Variants in SLC23A2 observed in about 807,000 individuals in gnomAD.
SLC23A2 encodes solute carrier family 23 member 2, also known as Na(+)/L-ascorbic acid transporter 2.
A neutral mutation model predicts 73.3 loss-of-function variants in SLC23A2; 36 were observed. The observed-to-expected ratio is 0.49, with a 90% CI of 0.38 to 0.65. The LOEUF (loss-of-function observed/expected upper bound fraction) is 0.65. Ranked by LOEUF, SLC23A2 falls within the 30% of genes least tolerant of loss-of-function variation. The probability of loss-of-function intolerance (pLI) is 0.00; values close to 1 mark genes in which losing one functional copy is unlikely to be tolerated. For synonymous variants in SLC23A2, 343 were observed against 327.3 expected (o/e 1.05, Z -0.52); for missense variants, 507 against 841.6 (o/e 0.60, Z 4.92).
chr20:4,998,272 G>T lies in SLC23A2; in HGVS notation c.-282+3134C>A, dbSNP rs180931571. The stretch of plus-strand genomic sequence containing the variant: ...ACAGTGTGGGCTCCATGTGGGCTGG[G>T]AATCTCCCTGCAGCATCCCAAGCAC... On this transcript the variant is annotated intron_variant, in intron 1 of 16. Coordinates refer to ENST00000338244, the MANE Select transcript of SLC23A2 (RefSeq NM_005116.6). This position sits in a 1 kb window ranked among gnomAD's most constrained non-coding sequence, Gnocchi z 4.1. Among the ~76,000 whole-genome samples, 19 of 152,152 alleles carry T rather than the reference G, an allele frequency of 1.2e-4. No individual in the cohort carries two copies. The East Asian group carries it at 3.7e-3, about 29-fold the overall frequency.
rs775470346 is a variant in SLC23A2 at position 4,869,922 on chromosome 20, T to C, written c.1234A>G (p.Ile412Val). Residue 412 changes from isoleucine to valine, a missense_variant, in exon 12 of 17, where the codon ATC (isoleucine) becomes GTC (valine). Physicochemically the swap from Ile to Val is conservative, Grantham distance 29. Transcript: ENST00000338244. ...ARLSCAPPPP[I>V]HAINRGIFVE... ...GGAACGTACCTGTTTATTGCGTGGA[T>C]GGGGGGGGGTGGGGCACAGGACAGC... 1.9e-6 allele frequency: 2 copies of C among 1,047,860 alleles called. No individual in the cohort carries two copies. Among genetic ancestry groups the C allele is most frequent in the South Asian group, 1.5e-5 (1 of 68,306 alleles). 64.9% of individuals were successfully genotyped at this position (1,047,860 alleles called of 1,614,324 possible).
intron 4 of SLC23A2, among the ~76,000 whole-genome samples, chr20:4,908,262 A>G (rs1159792805): frequency 6.6e-6 from 1 of 152,232 alleles, no homozygotes; most frequent in East Asian, 1.9e-4. Context: ...GGTCTTGAGC[A>G]TGTGTAAAGA....
In SLC23A2 at chr20:4,885,681, T is replaced by C. The variant is rs140428882; in HGVS notation, c.571+140A>G. ...ACAGACACGATCCACAGATGGAGCA[T>C]TCTAAGCTGTTTGTGGGTTTGTGTG... is the stretch of plus-strand genomic sequence containing the variant. On this transcript the variant is annotated intron_variant, in intron 7 of 16. Transcript: ENST00000338244. 1,130 of 676,530 alleles carry C rather than the reference T, an allele frequency of 1.7e-3. 21 individuals are homozygous for C. In the East Asian group the frequency reaches 0.028, roughly 17 times the overall value. 41.9% of individuals were successfully genotyped at this position (676,530 alleles called of 1,614,324 possible).
At chr20:4,879,408 CAAAAAAAA>C (rs111565515) in intron 9 of SLC23A2, among the ~76,000 whole-genome samples, 10 of 43,008 alleles carry the variant, frequency 2.3e-4, no homozygotes, top group South Asian at 1.0e-3. Context: ...AACTCTGTCT[CAAAAAAAA>C]AAAAAAAAAA....
chr20:4,939,401 C>T (rs2087007865), intron 2 of SLC23A2, among the ~76,000 whole-genome samples: 1 of 152,068 alleles, frequency 6.6e-6, no homozygotes, highest in Non-Finnish European at 1.5e-5. Flanking sequence ...CAATGTACAC[C>T]GACCAAGAAA....
intron 2 of SLC23A2, among the ~76,000 whole-genome samples, chr20:4,949,312 C>T (rs891445266): frequency 7.1e-6 from 1 of 140,190 alleles, no homozygotes; most frequent in African/African-American, 2.6e-5. Context: ...AAAAGGAAAA[C>T]ATAAAAGAAC....
chr20:4,912,010 C>CTT (rs11353402), intron 4 of SLC23A2, among the ~76,000 whole-genome samples: 3 of 136,546 alleles, frequency 2.2e-5, no homozygotes, highest in Non-Finnish European at 3.2e-5. Context: ...ATAATTATTT[C>CTT]TTTTTTTTTT....
chr20:4,957,159 T>C (rs1415697717), intron 2 of SLC23A2, among the ~76,000 whole-genome samples: 1 of 152,010 alleles, frequency 6.6e-6, no homozygotes, highest in Non-Finnish European at 1.5e-5. Context: ...TGTAAAAGAA[T>C]CAATACTCTA....
intron 4 of SLC23A2, among the ~76,000 whole-genome samples, chr20:4,906,055 T>G (rs942359983): frequency 1.3e-5 from 2 of 152,260 alleles, no homozygotes; most frequent in Non-Finnish European, 2.9e-5. Flanking sequence ...AGATCAGTTT[T>G]GGCCAGGCAT....
At chr20:4,906,439 C>G (rs1931958951) in intron 4 of SLC23A2, among the ~76,000 whole-genome samples, 2 of 152,018 alleles carry the variant, frequency 1.3e-5, no homozygotes, top group South Asian at 4.1e-4. Context: ...TGGTGAAACC[C>G]TGAAACCCTG....
intron 3 of SLC23A2, among the ~76,000 whole-genome samples, chr20:4,921,533 C>CTA (rs1932499468): frequency 6.6e-6 from 1 of 150,982 alleles, no homozygotes; most frequent in South Asian, 2.1e-4. Flanking sequence ...CTGCAGGAAG[C>CTA]TATGATCATG....
At position 4,857,272 on chromosome 20, in the gene SLC23A2, C is replaced by G. The variant is rs547442683; in HGVS notation, c.1721-68G>C. The G allele has an allele frequency of 3.0e-6, 2 of 663,396 alleles. No homozygotes were observed. The highest frequency in any genetic ancestry group is 3.7e-5 in the African/African-American group (2 of 53,606). The allele number at this position is 663,396 out of a possible 1,614,324, so 41.1% of individuals were successfully genotyped here. A position where few individuals can be genotyped will look rare whatever the true frequency, so the allele number is the denominator to read the frequency against. On this transcript the variant is annotated intron_variant, in intron 16 of 16. Transcript: ENST00000338244. This position sits in a 1 kb window ranked among gnomAD's most constrained non-coding sequence, Gnocchi z 4.0. ...GCAGCTCTACTGAAAATGAAACTGT[C>G]GTCAAACACATACACACACACACAC...
intron 5 of SLC23A2, among the ~76,000 whole-genome samples, chr20:4,900,991 A>C (rs1931724037): frequency 6.6e-6 from 1 of 152,062 alleles, no homozygotes; most frequent in Non-Finnish European, 1.5e-5. Flanking sequence ...TCACAACTTT[A>C]TGTACTCTGA....
chr20:4,941,323 G>A (rs1245982968), intron 2 of SLC23A2, among the ~76,000 whole-genome samples: 1 of 152,042 alleles, frequency 6.6e-6, no homozygotes, highest in Non-Finnish European at 1.5e-5. Flanking sequence ...GAGGCCAAGA[G>A]TTCAAGATCA....
At chr20:5,000,520 A>G (rs2088101423) in intron 1 of SLC23A2, among the ~76,000 whole-genome samples, 1 of 152,120 alleles carries the variant, frequency 6.6e-6, no homozygotes, top group Non-Finnish European at 1.5e-5. Flanking sequence ...CCCGTCTCCC[A>G]GCACTGCAAG....
At position 4,853,231 on chromosome 20, in the gene SLC23A2, C is replaced by CG. The variant is rs1929590267; in HGVS notation, c.*3740dup. 1 of 152,328 alleles carries CG rather than the reference C, an allele frequency of 6.6e-6. No homozygotes were observed. The allele number at this position is 152,328 out of a possible 1,614,324, so 9.4% of individuals were successfully genotyped here. On this transcript the variant is annotated 3_prime_UTR_variant, in exon 17 of 17. Transcript: ENST00000338244. ...AGCTGGCGTCCAGCGACAGCCATGC[C>CG]GGGCCTATGCCTATAGCGAGTGTAC...
chr20:4,979,453 C>T (rs971025435), intron 1 of SLC23A2, among the ~76,000 whole-genome samples: 1 of 151,758 alleles, frequency 6.6e-6, no homozygotes, highest in African/African-American at 2.4e-5. Context: ...ACCTATAATC[C>T]CAACACTTTG....
intron 1 of SLC23A2, among the ~76,000 whole-genome samples, chr20:4,986,008 C>T (rs1395018843): frequency 6.6e-6 from 1 of 152,164 alleles, no homozygotes; most frequent in Non-Finnish European, 1.5e-5. Context: ...GAATCCCTCT[C>T]CCGCCATGCC....
At chr20:4,908,377 C>CGA (rs1932029065) in intron 4 of SLC23A2, among the ~76,000 whole-genome samples, 1 of 151,996 alleles carries the variant, frequency 6.6e-6, no homozygotes, top group Non-Finnish European at 1.5e-5. Flanking sequence ...ACATTAACAA[C>CGA]GAAAAATTGT....
Sources: allele counts gnomAD v4.1 joint callset (sites outside exome capture counted in the v4.1 genomes callset), GRCh38; gene constraint gnomAD v4.1.1; non-coding constraint Gnocchi (gnomAD v3.1); transcripts MANE v1.5; gene names NCBI Gene and HGNC (gene_info 2026-07-23, HGNC 2026-07-21).